RPGRIP1: variants seen among roughly 807,000 people sequenced by gnomAD.
RPGRIP1 encodes the protein X-linked retinitis pigmentosa GTPase regulator-interacting protein 1.
A neutral mutation model predicts 157.9 loss-of-function variants in RPGRIP1; 128 were observed. The observed-to-expected ratio is 0.81, with a 90% CI of 0.70 to 0.94. The LOEUF is 0.94. Ranked by LOEUF, RPGRIP1 falls within the 40% of genes least tolerant of loss-of-function variation. The pLI is 0.00. For missense variants in RPGRIP1, 1,486 were observed against 1,545.8 expected (o/e 0.96, Z 0.65); for synonymous variants, 554 against 571.6 (o/e 0.97, Z 0.44).
Position 21,303,557 on chromosome 14 carries a change from A to G in RPGRIP1, c.800+14A>G. On this transcript the variant is annotated intron_variant, in intron 6 of 24. Coordinates refer to ENST00000400017, the MANE Select transcript of RPGRIP1 (RefSeq NM_020366.4). Reference sequence around the variant, plus strand: ...TGCAGAGCTTCGGTAAGAGTGTGGCACTCCATGCCTCAAACCAAAACGAAC... The same window carrying G: ...TGCAGAGCTTCGGTAAGAGTGTGGCGCTCCATGCCTCAAACCAAAACGAAC... The G allele has an allele frequency of 6.3e-7, 1 of 1,596,600 alleles. No individual in the cohort carries two copies. Among genetic ancestry groups the G allele is most frequent in the Non-Finnish European group, 8.6e-7 (1 of 1,165,256 alleles).
chr14:21,280,724 C>T (rs764591300), intron 1 of RPGRIP1, among the ~76,000 whole-genome samples: 4 of 152,008 alleles, frequency 2.6e-5, no homozygotes, highest in African/African-American at 9.7e-5. Flanking sequence ...CCCCCACCCC[C>T]CTCCTTCCCT....
rs1226087731 is a variant in RPGRIP1 at position 21,309,031 on chromosome 14, C to G, written c.906+1195C>G. ...GGGAATCGCCATGTTTGGGTGGACC[C>G]AGTTTCTAAAGACCTGTATTTGCAT... On this transcript the variant is annotated intron_variant, in intron 7 of 24. Transcript: ENST00000400017. Among the ~76,000 whole-genome samples the G allele has an allele frequency of 2.6e-5, 4 of 152,208 alleles. No individual in the cohort carries two copies. The East Asian group carries it at 7.7e-4, about 29-fold the overall frequency.
intron 1 of RPGRIP1, among the ~76,000 whole-genome samples, chr14:21,283,929 C>A (rs1880218204): frequency 1.3e-5 from 2 of 152,184 alleles, no homozygotes; most frequent in African/African-American, 2.4e-5. Flanking sequence ...CCGTGCCTGG[C>A]CTGAGATTTA....
chr14:21,281,342 A>G (rs1248094280), intron 1 of RPGRIP1, among the ~76,000 whole-genome samples: 1 of 152,108 alleles, frequency 6.6e-6, no homozygotes, highest in African/African-American at 2.4e-5. Flanking sequence ...TAATTAAAAT[A>G]TGTATTACCT....
rs150151888 is a variant in RPGRIP1 at position 21,334,471 on chromosome 14, C to A, written c.3239-134C>A. ...TACCTTTGAAAAAGAGGGTTTGATT[C>A]TTAGTAAGTGAAGGCAAAATCTAGA... is the stretch of plus-strand genomic sequence containing the variant. On this transcript the variant is annotated intron_variant, in intron 20 of 24. Transcript: ENST00000400017. 1.6e-3 allele frequency: 1,091 copies of A among 682,764 alleles called. 1 individual carries two copies. Among genetic ancestry groups the A allele is most frequent in the Non-Finnish European group, 2.3e-3 (849 of 368,968 alleles). The allele number at this position is 682,764 out of a possible 1,614,324, so 42.3% of individuals were successfully genotyped here. A position where few individuals can be genotyped will look rare whatever the true frequency, so the allele number is the denominator to read the frequency against.
chr14:21,340,375 C>T (rs556698076), intron 21 of RPGRIP1, among the ~76,000 whole-genome samples: 81 of 152,296 alleles, frequency 5.3e-4, no homozygotes, highest in African/African-American at 1.8e-3. Context: ...TTTAATGGGG[C>T]CGGGCGCAAT....
intron 22 of RPGRIP1, among the ~76,000 whole-genome samples, chr14:21,344,667 T>G (rs1885378043): frequency 2.0e-5 from 3 of 152,214 alleles, no homozygotes; most frequent in Non-Finnish European, 4.4e-5. Flanking sequence ...CGAAGGAGCC[T>G]GGGTGCAGTG....
intron 3 of RPGRIP1, among the ~76,000 whole-genome samples, chr14:21,297,616 C>T (rs1440465226): frequency 6.6e-6 from 1 of 151,998 alleles, no homozygotes; most frequent in Non-Finnish European, 1.5e-5. Context: ...AGGAACATAC[C>T]AACAGTTGAG....
intron 20 of RPGRIP1, among the ~76,000 whole-genome samples, chr14:21,332,689 T>A (rs1883908959): frequency 6.6e-6 from 1 of 152,156 alleles, no homozygotes. Flanking sequence ...GACCAGAAGG[T>A]AATCTAAACC....
Position 21,330,287 on chromosome 14 carries a change from C to T in RPGRIP1, c.3138C>T (p.Asn1046=). ...NYTEWKFSET[N]SFIGDGFKNQ... ...CTGAGTGGAAGTTCTCAGAGACTAA[C>T]AGCTTCATAGGTGATGGCTTTAAAA... Residue 1046 remains asparagine (N), a synonymous_variant, in exon 20 of 25, where the codon AAC becomes AAT. Transcript: ENST00000400017. 6.3e-7 allele frequency: 1 copy of T among 1,576,736 alleles called. No homozygotes were observed. The highest frequency in any genetic ancestry group is 8.6e-7 in the Non-Finnish European group (1 of 1,164,606).
chr14:21,284,309 A>G (rs890418322), intron 1 of RPGRIP1, among the ~76,000 whole-genome samples: 6 of 152,136 alleles, frequency 3.9e-5, no homozygotes, highest in African/African-American at 1.2e-4. Flanking sequence ...AATTTGTTGT[A>G]TAGGGCACAA....
Position 21,328,477 on chromosome 14 carries a change from G to A in RPGRIP1, c.2949G>A (p.Lys983=), listed in dbSNP as rs371419221. The part of the protein sequence containing the change: ...VPIEAGQYRS[K]RKPPHGGERK... ...TTGAAGCTGGCCAGTATCGATCTAA[G>A]AGAAAACCTCCTCATGGGGGAGAAA... is the stretch of plus-strand genomic sequence containing the variant. The change falls in exon 19 of 25, where the codon AAG becomes AAA. Residue 983 remains lysine (K), a synonymous_variant. Transcript: ENST00000400017. 5.3e-5 allele frequency: 86 copies of A among 1,613,710 alleles called. No homozygotes were observed. The African/African-American group carries it at 1.1e-3, about 20-fold the overall frequency.
At chr14:21,342,049 C>CAAA (rs769694278) in intron 21 of RPGRIP1, among the ~76,000 whole-genome samples, 9 of 113,130 alleles carry the variant, frequency 8.0e-5, no homozygotes, top group African/African-American at 2.5e-4. Flanking sequence ...GACACTGTCT[C>CAAA]AAAAAAAAAA....
At chr14:21,329,192 G>A (rs1160754631) in intron 19 of RPGRIP1, among the ~76,000 whole-genome samples, 1 of 151,402 alleles carries the variant, frequency 6.6e-6, no homozygotes, top group Non-Finnish European at 1.5e-5. Flanking sequence ...GTATGTGCCT[G>A]TAATCCCAGC....
intron 3 of RPGRIP1, among the ~76,000 whole-genome samples, chr14:21,295,999 A>T (rs996548876): frequency 2.7e-5 from 4 of 150,496 alleles, no homozygotes; most frequent in Non-Finnish European, 5.9e-5. Flanking sequence ...GCAGTGGCGC[A>T]GTCTCGGCTC....
rs1296528927 is a variant in RPGRIP1, at chr14:21,333,570, CAATGTGG to C, written c.3239-1034_3239-1028del. ...TGAAGAAGGCTCATTTCTCCTCTCT[CAATGTGG>C]CATTAGATGGGGTAGCTCAGCTAGG... On this transcript the variant is annotated intron_variant, in intron 20 of 24. Transcript: ENST00000400017. Among the ~76,000 whole-genome samples the C allele has an allele frequency of 5.7e-3, 866 of 152,304 alleles. 7 individuals are homozygous for C. The highest frequency in any genetic ancestry group is 0.02 in the African/African-American group (823 of 41,562).
chr14:21,302,110 A>G (rs546653844), intron 4 of RPGRIP1, among the ~76,000 whole-genome samples: 1 of 152,294 alleles, frequency 6.6e-6, no homozygotes, highest in African/African-American at 2.4e-5. Context: ...TGCAAAAACA[A>G]CTGAAAGTAG....
intron 7 of RPGRIP1, among the ~76,000 whole-genome samples, 173 bp downstream of exon 7, chr14:21,308,009 T>C (rs1881389870): frequency 6.6e-6 from 1 of 152,248 alleles, no homozygotes. Context: ...ACTCGGAGTC[T>C]ATGCTTTTCC....
intron 21 of RPGRIP1, among the ~76,000 whole-genome samples, chr14:21,335,623 G>A (rs1415195313): frequency 6.6e-6 from 1 of 152,144 alleles, no homozygotes; most frequent in African/African-American, 2.4e-5. Flanking sequence ...GAGGTCAGGA[G>A]ATCGAGACCA....
Sources: allele counts gnomAD v4.1 joint callset (sites outside exome capture counted in the v4.1 genomes callset), GRCh38; gene constraint gnomAD v4.1.1; transcripts MANE v1.5; gene names NCBI Gene and HGNC (gene_info 2026-07-23, HGNC 2026-07-21).